ERC2: variants seen among roughly 807,000 people sequenced by gnomAD.
ERC2 encodes the protein ELKS/RAB6-interacting/CAST family member 2, also known as ERC protein 2.
Under a neutral mutation model 114.8 loss-of-function variants are expected in ERC2, and 42 were observed. The ratio of observed to expected loss-of-function variants is 0.37; its 90% CI spans 0.29 to 0.47. The LOEUF (loss-of-function observed/expected upper bound fraction) is 0.47, where lower values mean the gene tolerates loss of function less well. Among genes scored for constraint, ERC2 ranks in the 20% least tolerant of loss-of-function variants. The pLI is 0.99. For synonymous variants in ERC2, 454 were observed against 425.5 expected (o/e 1.07, Z -0.82); for missense variants, 939 against 1,150.7 (o/e 0.82, Z 2.66).
intron 8 of ERC2, among the ~76,000 whole-genome samples, chr3:56,016,294 T>C (rs1341844575): frequency 6.6e-6 from 1 of 152,134 alleles, no homozygotes; most frequent in Non-Finnish European, 1.5e-5. Flanking sequence ...GCCTGTGTCC[T>C]GAAGGGTATT....
chr3:56,029,565 T>C (rs942346276), intron 7 of ERC2, among the ~76,000 whole-genome samples: 5 of 152,074 alleles, frequency 3.3e-5, no homozygotes, highest in African/African-American at 1.2e-4. Flanking sequence ...TACTTTGTGG[T>C]TTTTTAGAAA....
chr3:55,933,099 C>T (rs2066210396), intron 13 of ERC2, among the ~76,000 whole-genome samples: 1 of 151,866 alleles, frequency 6.6e-6, no homozygotes, highest in Non-Finnish European at 1.5e-5. Flanking sequence ...ATCCCACCTA[C>T]TCGAGAGGCT....
At chr3:55,569,213 C>T (rs1405203768) in intron 17 of ERC2, among the ~76,000 whole-genome samples, 1 of 152,200 alleles carries the variant, frequency 6.6e-6, no homozygotes, top group Non-Finnish European at 1.5e-5. Flanking sequence ...AAGCCTAGCA[C>T]ACAACAGCTT....
intron 17 of ERC2, among the ~76,000 whole-genome samples, chr3:55,677,493 T>C (rs958623515): frequency 2.6e-5 from 4 of 152,168 alleles, no homozygotes; most frequent in African/African-American, 9.7e-5. Flanking sequence ...GTAACAATAA[T>C]AGTGATATAC....
chr3:55,942,855 C>T (rs1185156759), intron 13 of ERC2, among the ~76,000 whole-genome samples: 1 of 152,104 alleles, frequency 6.6e-6, no homozygotes, highest in Non-Finnish European at 1.5e-5. Context: ...ATTGTCATTT[C>T]CTTAATCTGG....
chr3:56,305,058 T>C (rs1024128826), intron 2 of ERC2, among the ~76,000 whole-genome samples: 9 of 152,100 alleles, frequency 5.9e-5, no homozygotes, highest in African/African-American at 2.2e-4. Context: ...TTATCATCAA[T>C]TGTATTATGT....
chr3:55,620,392 T>C (rs1215117167), intron 17 of ERC2, among the ~76,000 whole-genome samples: 1 of 152,224 alleles, frequency 6.6e-6, no homozygotes, highest in Non-Finnish European at 1.5e-5. Context: ...TTTTAAACCC[T>C]GCTTTGAATT....
chr3:55,847,514 G>T (rs1559756409), intron 14 of ERC2, among the ~76,000 whole-genome samples: 1 of 152,098 alleles, frequency 6.6e-6, no homozygotes, highest in East Asian at 1.9e-4. Flanking sequence ...TAAAAGTAGA[G>T]TGCTCCACAG....
intron 17 of ERC2, among the ~76,000 whole-genome samples, chr3:55,590,141 T>C (rs895773923): frequency 6.6e-6 from 1 of 152,118 alleles, no homozygotes; most frequent in Non-Finnish European, 1.5e-5. Context: ...AGGATAACGA[T>C]GGCCAATGAA....
chr3:56,057,009 T>TA (rs1475126006), intron 7 of ERC2, among the ~76,000 whole-genome samples: 1 of 152,136 alleles, frequency 6.6e-6, no homozygotes, highest in Non-Finnish European at 1.5e-5. Context: ...CCTACATAGT[T>TA]AAAAAAGAGA....
intron 2 of ERC2, among the ~76,000 whole-genome samples, chr3:56,433,152 C>G (rs1576939441): frequency 6.7e-6 from 1 of 148,642 alleles, no homozygotes; most frequent in African/African-American, 2.5e-5. Flanking sequence ...ACACTCCAGC[C>G]TGAGCAACAG....
At chr3:56,135,145 G>T (rs2080432941) in intron 6 of ERC2, among the ~76,000 whole-genome samples, 1 of 151,796 alleles carries the variant, frequency 6.6e-6, no homozygotes, top group Non-Finnish European at 1.5e-5. Context: ...TAGAGATAGG[G>T]TTTCACAATG....
chr3:56,005,959 G>A (rs1048169663), intron 10 of ERC2, among the ~76,000 whole-genome samples: 11 of 151,964 alleles, frequency 7.2e-5, no homozygotes, highest in Middle Eastern at 6.8e-3. Context: ...ACCCTCAAAT[G>A]GGCAATTTAA....
intron 14 of ERC2, among the ~76,000 whole-genome samples, chr3:55,739,701 TA>T (rs1391346537): frequency 6.6e-6 from 1 of 152,208 alleles, no homozygotes; most frequent in Non-Finnish European, 1.5e-5. Flanking sequence ...TCCCATTCTG[TA>T]GGTTGCCTGT....
intron 1 of ERC2, among the ~76,000 whole-genome samples, chr3:56,442,247 T>C (rs1168622303): frequency 6.6e-6 from 1 of 151,784 alleles, no homozygotes; most frequent in African/African-American, 2.4e-5. Flanking sequence ...TAAGGCAGAG[T>C]ATCACTATTG....
At chr3:55,852,032 A>G (rs1319889893) in intron 14 of ERC2, among the ~76,000 whole-genome samples, 3 of 152,030 alleles carry the variant, frequency 2.0e-5, no homozygotes, top group Non-Finnish European at 4.4e-5. Flanking sequence ...GACCAGCCTG[A>G]CCAACATGGT....
At chr3:56,103,936 A>G (rs1367865326) in intron 6 of ERC2, among the ~76,000 whole-genome samples, 3 of 152,202 alleles carry the variant, frequency 2.0e-5, no homozygotes, top group African/African-American at 7.2e-5. Context: ...AACCTGAGAT[A>G]AAAAGAAGGA....
chr3:56,147,017 G>C (rs1055407248), intron 5 of ERC2, among the ~76,000 whole-genome samples: 5 of 152,204 alleles, frequency 3.3e-5, no homozygotes, highest in South Asian at 2.1e-4. Flanking sequence ...CATGATGAGG[G>C]GCAGAGTTTA....
intron 15 of ERC2, among the ~76,000 whole-genome samples, chr3:55,731,029 C>G (rs933418956): frequency 6.6e-6 from 1 of 152,228 alleles, no homozygotes; most frequent in African/African-American, 2.4e-5. Flanking sequence ...CTGGGACTCA[C>G]CCTTCCAGGA....
Sources: gnomAD v4.1 joint callset for allele counts (sites outside exome capture counted in the v4.1 genomes callset) on GRCh38, gnomAD v4.1.1 for gene constraint, MANE v1.5 for transcripts, NCBI Gene and HGNC (gene_info 2026-07-23, HGNC 2026-07-21) for gene names.